C3orf52: variants seen among roughly 807,000 people sequenced by gnomAD.
C3orf52 encodes the protein TPA-induced transmembrane protein.
Under a neutral mutation model 24.8 loss-of-function variants are expected in C3orf52, and 22 were observed. That is an observed-to-expected ratio of 0.89 (90% CI 0.63 to 1.27). The LOEUF (loss-of-function observed/expected upper bound fraction) is 1.27, where lower values mean the gene tolerates loss of function less well. C3orf52 is among the 50% of genes most tolerant of loss of function. The pLI is 0.00. For synonymous variants in C3orf52, 93 were observed against 100.2 expected, an observed-to-expected ratio of 0.93 and a Z score of 0.43; for missense variants, 265 against 260.7, an observed-to-expected ratio of 1.02 and a Z score of -0.11.
At chr3:112,094,275 A>G (rs1357258432) in intron 2 of C3orf52, among the ~76,000 whole-genome samples, 3 of 152,230 alleles carry the variant, frequency 2.0e-5, no homozygotes, top group Non-Finnish European at 4.4e-5. Flanking sequence ...GATTAGAGGC[A>G]TGAGCCACCA....
At chr3:112,123,444 C>T (rs2074237568) in intron 4 of C3orf52, 5 of 1,611,406 alleles carry the variant, frequency 3.1e-6, no homozygotes, top group Admixed American at 3.3e-5. Context: ...AATGCTAGTC[C>T]AGCCACTTCA....
chr3:112,116,807 G>A lies in C3orf52; in HGVS notation c.*161G>A. On this transcript the variant is annotated 3_prime_UTR_variant, in exon 6 of 6. Coordinates refer to ENST00000264848, the MANE Select transcript of C3orf52 (RefSeq NM_024616.3). ...CTTTCTCTCCCGATTCTACAGTCTG[G>A]CTCTAAGCCCAGTAAAACAGCTCCC... The A allele has an allele frequency of 6.5e-7, 1 of 1,539,742 alleles. No homozygotes were observed. Among genetic ancestry groups the A allele is most frequent in the Non-Finnish European group, 8.7e-7 (1 of 1,146,938 alleles).
At chr3:112,097,770 C>T (rs2073938684) in intron 2 of C3orf52, among the ~76,000 whole-genome samples, 1 of 152,190 alleles carries the variant, frequency 6.6e-6, no homozygotes. Flanking sequence ...GCTGATGTTT[C>T]TCTACCAAGA....
chr3:112,092,720 C>T (rs1419937975), intron 1 of C3orf52, among the ~76,000 whole-genome samples: 1 of 152,234 alleles, frequency 6.6e-6, no homozygotes, highest in Non-Finnish European at 1.5e-5. Context: ...CCTTCTCACT[C>T]CAGCTTTGCA....
intron 1 of C3orf52, among the ~76,000 whole-genome samples, chr3:112,092,683 A>G (rs1054615804): frequency 2.6e-5 from 4 of 152,282 alleles, no homozygotes; most frequent in Non-Finnish European, 4.4e-5. Context: ...ACTTGTTTTC[A>G]TTGACCCCTC....
In C3orf52 at chr3:112,108,925, TAA is replaced by T; in HGVS notation, c.397-616_397-615del. 3.3e-5 allele frequency among the ~76,000 whole-genome samples: 5 copies of T among 152,278 alleles called. No homozygotes were observed. In the South Asian group the frequency reaches 1.0e-3, roughly 32 times the overall value. On this transcript the variant is annotated intron_variant, in intron 3 of 5. Coordinates refer to ENST00000264848, the MANE Select transcript of C3orf52 (RefSeq NM_024616.3). Reference sequence around the variant, plus strand: ...TTTAGCTTTATTTTGTTTCTTAAATTAAAGGGCTGAACCCAATATAGCAAATA... The same window carrying T: ...TTTAGCTTTATTTTGTTTCTTAAATTAGGGCTGAACCCAATATAGCAAATA...
rs955012982 is a variant in C3orf52 at position 112,123,871 on chromosome 3, TC to T, written c.*46+4310del. ...GCTTGACCCTTGGTCAAGTCTGTCT[TC>T]TATGACCACCTCCTCCCCATCTCTT... On this transcript the variant is annotated intron_variant, in intron 4 of 4. Transcript: ENST00000480282. 8.9e-5 allele frequency: 114 copies of T among 1,275,050 alleles called. No homozygotes were observed. The African/African-American group carries it at 1.5e-3, about 17-fold the overall frequency. The allele number at this position is 1,275,050 out of a possible 1,614,324, so 79.0% of individuals were successfully genotyped here.
chr3:112,091,660 T>A (rs1280144814), intron 1 of C3orf52, among the ~76,000 whole-genome samples: 1 of 152,078 alleles, frequency 6.6e-6, no homozygotes, highest in Admixed American at 6.5e-5. Flanking sequence ...GGAAATACAG[T>A]CCAAGTGTGG....
At chr3:112,113,669 T>G (rs1216301928) in intron 5 of C3orf52, among the ~76,000 whole-genome samples, 2 of 152,202 alleles carry the variant, frequency 1.3e-5, no homozygotes, top group Non-Finnish European at 2.9e-5. Context: ...TTCCTTTCCT[T>G]AGAAAATTAT....
chr3:112,088,098 C>T lies in C3orf52; in HGVS notation c.138+1553C>T, dbSNP rs950453667. ...GACGTCCTTGTTAGTAAGGTATATA[C>T]AGATACCCTGGACTTCTTTGTAAGT... On this transcript the variant is annotated intron_variant, in intron 1 of 5. Transcript: ENST00000264848. Among the ~76,000 whole-genome samples the T allele has an allele frequency of 3.2e-4, 48 of 152,298 alleles. 1 individual carries two copies. The highest frequency in any genetic ancestry group is 3.4e-3 in the Middle Eastern group (1 of 294).
intron 4 of C3orf52, chr3:112,127,021 G>T (rs1266854796): frequency 6.3e-7 from 1 of 1,584,814 alleles, no homozygotes; most frequent in Non-Finnish European, 8.6e-7. Context: ...TTTCAAAAAT[G>T]AGTATTTTTT....
At chr3:112,126,580 C>CACTGTGTAA (rs2074325177) in intron 4 of C3orf52, among the ~76,000 whole-genome samples, 1 of 152,172 alleles carries the variant, frequency 6.6e-6, no homozygotes, top group Non-Finnish European at 1.5e-5. Context: ...TACTTGCCCC[C>CACTGTGTAA]GCCTCCCCAC....
chr3:112,126,674 C>A (rs1492487), intron 4 of C3orf52, among the ~76,000 whole-genome samples: 38,742 of 152,100 alleles, frequency 0.25, 5,080 homozygotes, highest in East Asian at 0.35. Context: ...CCTCCCCTAT[C>A]CCAGGCTGGC....
intron 5 of C3orf52, among the ~76,000 whole-genome samples, chr3:112,114,275 AT>A (rs1446783201): frequency 6.6e-6 from 1 of 152,128 alleles, no homozygotes; most frequent in African/African-American, 2.4e-5. Flanking sequence ...AGAAGGCCAA[AT>A]TTTAGCTCAC....
chr3:112,115,569 T>C (rs930903466), intron 5 of C3orf52, among the ~76,000 whole-genome samples: 1 of 152,170 alleles, frequency 6.6e-6, no homozygotes, highest in South Asian at 2.1e-4. Context: ...AAGACAGCTG[T>C]GTACCTTCTC....
At chr3:112,128,436 C>G (rs1395448022) in exon 5 of C3orf52, 1 of 371,060 alleles carries the variant, frequency 2.7e-6, no homozygotes, top group Non-Finnish European at 5.2e-6. Context: ...ATGGGTTAGG[C>G]AATATCAGTA....
chr3:112,100,996 T>C (rs1008870986), intron 2 of C3orf52, among the ~76,000 whole-genome samples: 4 of 152,322 alleles, frequency 2.6e-5, no homozygotes, highest in Admixed American at 2.6e-4. Context: ...ATTATTCGTA[T>C]TTTTTTCTTT....
downstream of C3orf52, among the ~76,000 whole-genome samples, chr3:112,118,705 T>C (rs1448289644): frequency 1.3e-5 from 2 of 152,210 alleles, no homozygotes; most frequent in Non-Finnish European, 2.9e-5. Context: ...TGTTCTGCTA[T>C]AGGAGATAAA....
chr3:112,126,135 C>A lies in C3orf52; in HGVS notation c.*47-2098C>A, dbSNP rs114763714. ...TCAGCATAGAGTTTTAGCATCTGGT[C>A]TTATTTCTATTACGTTTTGCTCTGA... is the stretch of plus-strand genomic sequence containing the variant. On this transcript the variant is annotated intron_variant, in intron 4 of 4. Transcript: ENST00000480282. Among the ~76,000 whole-genome samples the A allele has an allele frequency of 5.3e-3, 809 of 152,272 alleles. 11 individuals are homozygous for A. Among genetic ancestry groups the A allele is most frequent in the African/African-American group, 0.019 (772 of 41,560 alleles).
Sources: gnomAD v4.1 joint callset for allele counts (sites outside exome capture counted in the v4.1 genomes callset) on GRCh38, gnomAD v4.1.1 for gene constraint, MANE v1.5 for transcripts, NCBI Gene and HGNC (gene_info 2026-07-23, HGNC 2026-07-21) for gene names.